Variants in ACTR3C observed in about 807,000 individuals in gnomAD.
ACTR3C encodes the protein actin-related protein 3C.
In ACTR3C, 18 loss-of-function variants were observed where a neutral mutation model predicts 26.3. That is an observed-to-expected ratio of 0.68 (90% CI 0.47 to 1.01). The LOEUF (loss-of-function observed/expected upper bound fraction) is 1.01. ACTR3C is among the 50% of genes least tolerant of loss of function. The probability of loss-of-function intolerance (pLI) is 0.00; values close to 1 mark genes in which losing one functional copy is unlikely to be tolerated. For missense variants in ACTR3C, 184 were observed against 250.7 expected, an observed-to-expected ratio of 0.73 and a Z score of 1.80; for synonymous variants, 55 against 94.5, an observed-to-expected ratio of 0.58 and a Z score of 2.42.
At chr7:150,028,409 A>C in the ACTR3C span, among the ~76,000 whole-genome samples, 17 of 152,404 alleles carry the variant, frequency 1.1e-4, no homozygotes, top group African/African-American at 4.1e-4. Context: ...CGGGAGATCA[A>C]ACCTCAATGT....
At chr7:150,080,597 G>T in the ACTR3C span, among the ~76,000 whole-genome samples, 1 of 150,426 alleles carries the variant, frequency 6.6e-6, no homozygotes, top group Non-Finnish European at 1.5e-5. Flanking sequence ...TGAAACCTGG[G>T]CTGTCAGCTC....
At chr7:150,035,946 TC>T in the ACTR3C span, among the ~76,000 whole-genome samples, 1 of 121,724 alleles carries the variant, frequency 8.2e-6, no homozygotes, top group Admixed American at 7.8e-5. Flanking sequence ...ATGGGGGTCC[TC>T]AGAGCCAGGG....
At chr7:150,036,900 G>T in the ACTR3C span, among the ~76,000 whole-genome samples, 1 of 116,192 alleles carries the variant, frequency 8.6e-6, no homozygotes. Flanking sequence ...TCCCCGCCTC[G>T]CGGGGAGTGC....
At chr7:149,881,394 G>A in the ACTR3C span, 1 of 153,020 alleles carries the variant, frequency 6.5e-6, no homozygotes, top group African/African-American at 2.4e-5. Context: ...CCTGGTGGAA[G>A]TGGTGAGGAC....
chr7:150,316,346 T>G (rs993397655), intron 1 of ACTR3C, among the ~76,000 whole-genome samples: 1 of 152,224 alleles, frequency 6.6e-6, no homozygotes, highest in Non-Finnish European at 1.5e-5. Context: ...TACATAGTGT[T>G]TCGACTGTAG....
chr7:149,904,103 T>G, the ACTR3C span, among the ~76,000 whole-genome samples: 1 of 139,116 alleles, frequency 7.2e-6, no homozygotes, highest in Non-Finnish European at 1.6e-5. Context: ...TATTTTTTAG[T>G]AGAGACAAGG....
chr7:149,986,000 T>C, the ACTR3C span, among the ~76,000 whole-genome samples: 1 of 152,052 alleles, frequency 6.6e-6, no homozygotes, highest in South Asian at 2.1e-4. Flanking sequence ...AACCTCTTGC[T>C]TTCTCTTGTA....
the ACTR3C span, among the ~76,000 whole-genome samples, chr7:150,058,575 A>G: frequency 6.6e-6 from 1 of 152,160 alleles, no homozygotes; most frequent in Non-Finnish European, 1.5e-5. Context: ...GTCTTTGAAC[A>G]TAGTTGTGTG....
At chr7:150,235,667 G>T in the ACTR3C span, among the ~76,000 whole-genome samples, 1 of 152,110 alleles carries the variant, frequency 6.6e-6, no homozygotes, top group South Asian at 2.1e-4. Flanking sequence ...GGGTTCATTC[G>T]GCTACCAATT....
At chr7:150,242,932 A>C (rs1224815290), downstream of ACTR3C, among the ~76,000 whole-genome samples, 1 of 152,240 alleles carries the variant, frequency 6.6e-6, no homozygotes, top group Non-Finnish European at 1.5e-5. Context: ...AAATAATAAA[A>C]GAAAAGCTGT....
At chr7:150,024,180 C>A in the ACTR3C span, among the ~76,000 whole-genome samples, 1 of 151,498 alleles carries the variant, frequency 6.6e-6, no homozygotes, top group South Asian at 2.1e-4. Context: ...CTGCACAGAG[C>A]GACTTTACAT....
At chr7:150,109,572 C>T in the ACTR3C span, among the ~76,000 whole-genome samples, 3 of 150,192 alleles carry the variant, frequency 2.0e-5, no homozygotes, top group Non-Finnish European at 4.4e-5. Context: ...AGTCTCGTGG[C>T]CTTTACGGCA....
the ACTR3C span, among the ~76,000 whole-genome samples, chr7:150,122,806 C>T: frequency 6.6e-6 from 1 of 151,704 alleles, no homozygotes; most frequent in Non-Finnish European, 1.5e-5. Flanking sequence ...TATTGTGGCA[C>T]TATTCACAAT....
the ACTR3C span, among the ~76,000 whole-genome samples, chr7:150,041,978 T>G: frequency 6.8e-6 from 1 of 146,764 alleles, no homozygotes; most frequent in African/African-American, 2.5e-5. Context: ...GATTTGAACT[T>G]TCTACTTGGA....
chr7:149,942,819 G>A, the ACTR3C span, among the ~76,000 whole-genome samples: 395 of 150,264 alleles, frequency 2.6e-3, 4 homozygotes, highest in African/African-American at 9.5e-3. Context: ...AATGGCAGCC[G>A]CCAACTCTGG....
At chr7:150,137,206 G>T in the ACTR3C span, among the ~76,000 whole-genome samples, 1 of 152,174 alleles carries the variant, frequency 6.6e-6, no homozygotes, top group Admixed American at 6.5e-5. Context: ...GTACCTGGGT[G>T]CCCTGTGTCA....
At chr7:150,298,974 C>CT (rs550994860) in intron 1 of ACTR3C, among the ~76,000 whole-genome samples, 3,806 of 82,416 alleles carry the variant, frequency 0.046, 131 homozygotes, top group South Asian at 0.12. Context: ...GTAATGAAAA[C>CT]TTTTTTTTTT....
At chr7:149,979,021 G>A in the ACTR3C span, among the ~76,000 whole-genome samples, 4 of 151,976 alleles carry the variant, frequency 2.6e-5, no homozygotes, top group Non-Finnish European at 4.4e-5. Flanking sequence ...TACAGTCCTC[G>A]CTCAGAAACA....
the ACTR3C span, among the ~76,000 whole-genome samples, chr7:150,174,465 A>G: frequency 7.1e-6 from 1 of 141,288 alleles, no homozygotes; most frequent in Non-Finnish European, 1.5e-5. Context: ...CTTCTGGGAG[A>G]TACAATTCAA....
Sources: gnomAD v4.1 joint callset for allele counts (sites outside exome capture counted in the v4.1 genomes callset) on GRCh38, gnomAD v4.1.1 for gene constraint, MANE v1.5 for transcripts, NCBI Gene and HGNC (gene_info 2026-07-23, HGNC 2026-07-21) for gene names.